Variants in UBIAD1 observed in about 807,000 individuals in gnomAD.
UBIAD1 encodes UbiA prenyltransferase domain containing 1.
A neutral mutation model predicts 20.1 loss-of-function variants in UBIAD1; 12 were observed. The ratio of observed to expected loss-of-function variants is 0.60; its 90% CI spans 0.38 to 0.97. The LOEUF is 0.97. Among genes scored for constraint, UBIAD1 ranks in the 50% least tolerant of loss-of-function variants. The pLI is 0.00. For missense variants in UBIAD1, 333 were observed against 419.5 expected (o/e 0.79, Z 1.80); for synonymous variants, 207 against 189.2 (o/e 1.09, Z -0.77).
chr1:11,297,404 C>T (rs1638465590), downstream of UBIAD1, among the ~76,000 whole-genome samples: 1 of 152,128 alleles, frequency 6.6e-6, no homozygotes, highest in African/African-American at 2.4e-5. Context: ...GACTTCTCAG[C>T]CCCCAGACCT....
At chr1:11,283,908 A>G (rs577041460) in intron 1 of UBIAD1, among the ~76,000 whole-genome samples, 1 of 152,306 alleles carries the variant, frequency 6.6e-6, no homozygotes, top group South Asian at 2.1e-4. Flanking sequence ...CTCAGTGGGC[A>G]GCTCCACTCA....
chr1:11,278,815 TG>T, intron 1 of UBIAD1: 1 of 482,756 alleles, frequency 2.1e-6, no homozygotes, highest in Non-Finnish European at 3.8e-6. Flanking sequence ...ATCTAACTGA[TG>T]GGGGAGCTTC....
At chr1:11,283,372 G>A (rs1385409490) in intron 1 of UBIAD1, among the ~76,000 whole-genome samples, 2 of 152,104 alleles carry the variant, frequency 1.3e-5, no homozygotes, top group Non-Finnish European at 2.9e-5. Flanking sequence ...TCATCTTTGC[G>A]TGGGTGTAGT....
Position 11,285,624 on chromosome 1 carries a change from T to C in UBIAD1, c.530-20T>C. ...TCCAGCCTTGGTCTCACACCAACTC[T>C]CTGGATTTTCTGGCCGCAGGAATTG... On this transcript the variant is annotated intron_variant, in intron 1 of 1. Transcript: ENST00000376810. The surrounding 1 kb of genome is among the most constrained non-coding windows in gnomAD (Gnocchi z 4.4). 6.2e-7 allele frequency: 1 copy of C among 1,614,112 alleles called. No individual in the cohort carries two copies. Among genetic ancestry groups the C allele is most frequent in the Non-Finnish European group, 8.5e-7 (1 of 1,180,032 alleles).
rs1452047939 is a variant in UBIAD1, at chr1:11,273,512, T to G, written c.-20T>G. On this transcript the variant is annotated 5_prime_UTR_variant, in exon 1 of 2. Transcript: ENST00000376810. This position sits in a 1 kb window ranked among gnomAD's most constrained non-coding sequence, Gnocchi z 4.9. ...TGCGTGGCTCACTTTTAGAGTTTAC[T>G]TCAACCACGTGGAGCTTCCATGGCG... is the stretch of plus-strand genomic sequence containing the variant. The G allele has an allele frequency of 6.2e-7, 1 of 1,610,802 alleles. No individual in the cohort carries two copies. The highest frequency in any genetic ancestry group is 8.5e-7 in the Non-Finnish European group (1 of 1,180,012).
At chr1:11,299,388 A>G (rs933775144), downstream of UBIAD1, among the ~76,000 whole-genome samples, 1 of 152,158 alleles carries the variant, frequency 6.6e-6, no homozygotes, top group Admixed American at 6.5e-5. Flanking sequence ...CGGGATCACA[A>G]CCACCGCACA....
downstream of UBIAD1, among the ~76,000 whole-genome samples, chr1:11,289,293 A>G (rs532065870): frequency 2.0e-5 from 3 of 152,334 alleles, no homozygotes; most frequent in East Asian, 5.8e-4. Flanking sequence ...CCTGTTATTA[A>G]TGACGCGGAT....
chr1:11,276,626 T>C lies in UBIAD1; in HGVS notation c.529+2566T>C, dbSNP rs554120225. Among the ~76,000 whole-genome samples, 11 of 148,842 alleles carry C rather than the reference T, an allele frequency of 7.4e-5. No individual in the cohort carries two copies. The East Asian group carries it at 2.2e-3, about 30-fold the overall frequency. On this transcript the variant is annotated intron_variant, in intron 1 of 1. Coordinates refer to ENST00000376810, the MANE Select transcript of UBIAD1 (RefSeq NM_013319.3). ...TTGCAGTGAGCTGAGATCATGCCAC[T>C]GCATTCCAGCCTGGGCAACAGAGAG...
rs1376983314 is a variant in UBIAD1, at chr1:11,273,800, C to T, written c.269C>T (p.Ala90Val). The T allele has an allele frequency of 6.2e-7, 1 of 1,614,056 alleles. No individual in the cohort carries two copies. Among genetic ancestry groups the T allele is most frequent in the African/African-American group, 1.3e-5 (1 of 74,946 alleles). ...AGGCTCTTGGTGGGTTGTGCCGTGG[C>T]TGTCCTGGCTGTGCACGGGGCCGGT... The part of the protein sequence containing the change: ...DPRLLVGCAV[A>V]VLAVHGAGNL... Residue 90 changes from alanine (A) to valine (V), a missense_variant, in exon 1 of 2, where the codon GCT becomes GTT. Around this residue, in one of 3 missense-constraint regions of UBIAD1, gnomAD observed 50 missense variants for 101.2 expected, o/e 0.49. Coordinates refer to ENST00000376810, the MANE Select transcript of UBIAD1 (RefSeq NM_013319.3). The surrounding 1 kb of genome is among the most constrained non-coding windows in gnomAD (Gnocchi z 4.9).
rs886045077 is a variant in UBIAD1 at position 11,287,557 on chromosome 1, C to T, written c.*1426C>T. ...AATGATGTAAGAACTAGTTCTTAAT[C>T]TTTCAGATCAAGCTAATGATGATAT... On this transcript the variant is annotated 3_prime_UTR_variant, in exon 2 of 2. Transcript: ENST00000376810. 1 of 152,178 alleles carries T rather than the reference C, an allele frequency of 6.6e-6. No homozygotes were observed. Among genetic ancestry groups the T allele is most frequent in the Non-Finnish European group, 1.5e-5 (1 of 68,032 alleles). The allele number at this position is 152,178 out of a possible 1,614,324, so 9.4% of individuals were successfully genotyped here.
chr1:11,275,224 G>T (rs759303000), intron 1 of UBIAD1, among the ~76,000 whole-genome samples: 1 of 152,128 alleles, frequency 6.6e-6, no homozygotes. Flanking sequence ...TTATAGTTAG[G>T]GTGACCAATA....
In UBIAD1 at chr1:11,273,874, AAG is replaced by A; in HGVS notation, c.346_347del (p.Ser116Ter). 1 of 1,614,186 alleles carries A rather than the reference AAG, an allele frequency of 6.2e-7. No individual in the cohort carries two copies. The highest frequency in any genetic ancestry group is 8.5e-7 in the Non-Finnish European group (1 of 1,180,024). On this transcript the variant is annotated frameshift_variant, in exon 1 of 2. Coordinates refer to ENST00000376810, the MANE Select transcript of UBIAD1 (RefSeq NM_013319.3). LOFTEE classifies it high-confidence loss of function. This position sits in a 1 kb window ranked among gnomAD's most constrained non-coding sequence, Gnocchi z 4.9. ...YDFSKGIDHK[K>X]SDDRTLVDRI... ...CTTTTCCAAGGGCATTGACCACAAAAAGAGTGATGACAGGACACTTGTGGACC... is the reference window on the plus strand; with the variant it reads ...CTTTTCCAAGGGCATTGACCACAAAAAGTGATGACAGGACACTTGTGGACC...
chr1:11,279,117 G>C, intron 1 of UBIAD1: 1 of 213,098 alleles, frequency 4.7e-6, no homozygotes, highest in South Asian at 8.7e-5. Context: ...GCCCTCCTTG[G>C]CCTCCCAAAG....
chr1:11,274,949 T>G (rs1249822828), intron 1 of UBIAD1, among the ~76,000 whole-genome samples: 1 of 152,056 alleles, frequency 6.6e-6, no homozygotes. Flanking sequence ...TTTTAATCAC[T>G]CATACTTTAT....
chr1:11,289,480 G>T (rs184220916), downstream of UBIAD1, among the ~76,000 whole-genome samples: 38 of 152,246 alleles, frequency 2.5e-4, no homozygotes, highest in African/African-American at 8.7e-4. Context: ...CAGAGAGGGG[G>T]AGAGCCATGA....
At position 11,273,427 on chromosome 1, in the gene UBIAD1, C is replaced by T; in HGVS notation, c.-105C>T. 1 of 1,451,680 alleles carries T rather than the reference C, an allele frequency of 6.9e-7. No individual in the cohort carries two copies. The highest frequency in any genetic ancestry group is 2.4e-4 in the Middle Eastern group (1 of 4,150). 89.9% of individuals were successfully genotyped at this position (1,451,680 alleles called of 1,614,324 possible). On this transcript the variant is annotated 5_prime_UTR_variant, in exon 1 of 2. Coordinates refer to ENST00000376810, the MANE Select transcript of UBIAD1 (RefSeq NM_013319.3). This position sits in a 1 kb window ranked among gnomAD's most constrained non-coding sequence, Gnocchi z 4.9. ...CACCAGCCCTGTCCTGGGGCGGAAC[C>T]GAAGGAAGGTCGGGCCCTGCTGCCC...
At chr1:11,291,518 A>G (rs1243324345), downstream of UBIAD1, among the ~76,000 whole-genome samples, 1 of 151,820 alleles carries the variant, frequency 6.6e-6, no homozygotes, top group Non-Finnish European at 1.5e-5. Context: ...GAGGCAGGAG[A>G]ACTACCTGAA....
Position 11,285,493 on chromosome 1 carries a change from TC to T in UBIAD1, c.530-150del. The T allele has an allele frequency of 8.4e-7, 1 of 1,191,642 alleles. No individual in the cohort carries two copies. Among genetic ancestry groups the T allele is most frequent in the Non-Finnish European group, 1.2e-6 (1 of 832,824 alleles). 73.8% of individuals were successfully genotyped at this position (1,191,642 alleles called of 1,614,324 possible). On this transcript the variant is annotated intron_variant, in intron 1 of 1. Transcript: ENST00000376810. This position sits in a 1 kb window ranked among gnomAD's most constrained non-coding sequence, Gnocchi z 4.4. ...CATTGGAGAAGAAATCAGAATTTGC[TC>T]TGTGGGGTTAAGGGATGAAATGAGT...
intron 1 of UBIAD1, among the ~76,000 whole-genome samples, chr1:11,275,328 T>C (rs1206788664): frequency 6.6e-6 from 1 of 152,184 alleles, no homozygotes; most frequent in African/African-American, 2.4e-5. Flanking sequence ...TCAGGTTGAA[T>C]TGATCACCCT....
Sources: gnomAD v4.1 joint callset for allele counts (sites outside exome capture counted in the v4.1 genomes callset) on GRCh38, gnomAD v4.1.1 for gene constraint, gnomAD v4.1.1 regional missense constraint, Gnocchi (gnomAD v3.1) non-coding constraint, MANE v1.5 for transcripts, NCBI Gene and HGNC (gene_info 2026-07-23, HGNC 2026-07-21) for gene names.